HDAC9: variants seen among roughly 807,000 people sequenced by gnomAD.
HDAC9 encodes the protein histone deacetylase 9.
A neutral mutation model predicts 139.4 loss-of-function variants in HDAC9; 41 were observed. The observed-to-expected ratio is 0.29, with a 90% CI of 0.23 to 0.38. The LOEUF (loss-of-function observed/expected upper bound fraction) is 0.38. Among genes scored for constraint, HDAC9 ranks in the 10% least tolerant of loss-of-function variants. The pLI is 1.00. For synonymous variants in HDAC9, 517 were observed against 476.2 expected, an observed-to-expected ratio of 1.09 and a Z score of -1.12; for missense variants, 1,147 against 1,297.0, an observed-to-expected ratio of 0.88 and a Z score of 1.78.
intron 16 of HDAC9, 73 bp from the exon 17 acceptor site, chr7:18,793,272 T>G: frequency 9.6e-7 from 1 of 1,042,542 alleles, no homozygotes. Flanking sequence ...CTCTTCCCCT[T>G]TTACCCCTTT....
chr7:18,825,645 G>C (rs1295529276), intron 17 of HDAC9, among the ~76,000 whole-genome samples: 1 of 151,446 alleles, frequency 6.6e-6, no homozygotes, highest in Non-Finnish European at 1.5e-5. Flanking sequence ...ATTAAAAGGA[G>C]AAGAAGAAAA....
In HDAC9 at chr7:18,997,823, CTT is replaced by C. The variant is rs970992502; in HGVS notation, c.*1764_*1765del. On this transcript the variant is annotated 3_prime_UTR_variant, in exon 26 of 26. Transcript: ENST00000686413. ...AGGATTACCATTTTAATTTTAAAGA[CTT>C]TTATTACATATACAAAAATGGCTCA... is the stretch of plus-strand genomic sequence containing the variant. The C allele has an allele frequency of 2.6e-5, 4 of 151,962 alleles. No individual in the cohort carries two copies. The South Asian group carries it at 6.2e-4, about 24-fold the overall frequency. 9.4% of individuals were successfully genotyped at this position (151,962 alleles called of 1,614,324 possible).
chr7:18,291,958 G>T (rs557550085), intron 1 of HDAC9, among the ~76,000 whole-genome samples: 2 of 152,120 alleles, frequency 1.3e-5, no homozygotes, highest in African/African-American at 4.8e-5. Context: ...CTTAGAGGCT[G>T]CCTCATATCT....
At chr7:18,772,098 G>A (rs1790345661) in intron 16 of HDAC9, among the ~76,000 whole-genome samples, 1 of 152,078 alleles carries the variant, frequency 6.6e-6, no homozygotes, top group Non-Finnish European at 1.5e-5. Flanking sequence ...GCACAGAGAA[G>A]GAAGCTTTTA....
chr7:18,169,501 G>A (rs1219998691), intron 2 of HDAC9, among the ~76,000 whole-genome samples: 1 of 151,212 alleles, frequency 6.6e-6, no homozygotes, highest in Non-Finnish European at 1.5e-5. Context: ...GGGTACATGT[G>A]CACAACGTAC....
Position 18,923,935 on chromosome 7 carries a change from T to C in HDAC9, c.2804-11874T>C, listed in dbSNP as rs183863259. Among the ~76,000 whole-genome samples, 6 of 152,242 alleles carry C rather than the reference T, an allele frequency of 3.9e-5. No individual in the cohort carries two copies. In the East Asian group the frequency reaches 9.7e-4, roughly 25 times the overall value. On this transcript the variant is annotated intron_variant, in intron 22 of 25. Transcript: ENST00000686413. ...GGAGGCAGTCTTTATTTTCTTTTAA[T>C]GATTTTTTTAATGGCAGGTGGGAAT...
At chr7:18,134,874 A>G (rs1785279151) in intron 1 of HDAC9, among the ~76,000 whole-genome samples, 1 of 152,168 alleles carries the variant, frequency 6.6e-6, no homozygotes. Flanking sequence ...ATTCATTGCC[A>G]TTTGTTTTTA....
chr7:18,898,194 G>C (rs1317603464), intron 22 of HDAC9, among the ~76,000 whole-genome samples: 2 of 151,560 alleles, frequency 1.3e-5, no homozygotes, highest in East Asian at 1.9e-4. Context: ...CATTGGGGAA[G>C]CATTCATAGT....
intron 17 of HDAC9, among the ~76,000 whole-genome samples, chr7:18,827,885 T>A (rs1463631917): frequency 6.6e-6 from 1 of 152,174 alleles, no homozygotes; most frequent in Non-Finnish European, 1.5e-5. Context: ...AATGTTTCAG[T>A]CTCTATTATC....
At chr7:18,226,205 A>C (rs1314582166) in intron 2 of HDAC9, among the ~76,000 whole-genome samples, 1 of 152,208 alleles carries the variant, frequency 6.6e-6, no homozygotes, top group Non-Finnish European at 1.5e-5. Context: ...CCACCTTTAG[A>C]CTGCTATAGC....
chr7:18,393,567 C>G (rs1450463215), intron 1 of HDAC9, among the ~76,000 whole-genome samples: 1 of 152,026 alleles, frequency 6.6e-6, no homozygotes, highest in South Asian at 2.1e-4. Context: ...GCATGTAGAA[C>G]TGTGAACAGA....
intron 1 of HDAC9, chr7:18,152,029 A>G (rs945988644): frequency 6.6e-6 from 1 of 151,950 alleles, no homozygotes; most frequent in Admixed American, 6.6e-5. Flanking sequence ...CAGCTCTTTC[A>G]TGTATCTTCC....
intron 2 of HDAC9, among the ~76,000 whole-genome samples, chr7:18,187,708 T>G (rs1351471476): frequency 1.3e-5 from 2 of 152,208 alleles, no homozygotes; most frequent in Non-Finnish European, 2.9e-5. Context: ...CCATACAGTG[T>G]TGCCTAGTGA....
chr7:18,486,786 A>T (rs1391609400), intron 1 of HDAC9, among the ~76,000 whole-genome samples: 1 of 152,076 alleles, frequency 6.6e-6, no homozygotes, highest in African/African-American at 2.4e-5. Context: ...TCCAGAAAAA[A>T]TATTAGATTT....
chr7:18,798,069 T>A (rs76241489), intron 17 of HDAC9, among the ~76,000 whole-genome samples: 3,682 of 152,208 alleles, frequency 0.024, 155 homozygotes, highest in African/African-American at 0.083. Flanking sequence ...AAGACATTGT[T>A]GTTGTTTCCA....
At chr7:18,152,142 G>A (rs1266431836) in intron 1 of HDAC9, among the ~76,000 whole-genome samples, 1 of 151,560 alleles carries the variant, frequency 6.6e-6, no homozygotes, top group Non-Finnish European at 1.5e-5. Context: ...CAGGGCTGCA[G>A]TGTTTCACAA....
chr7:18,562,170 T>C (rs917528449), intron 2 of HDAC9, among the ~76,000 whole-genome samples: 7 of 152,204 alleles, frequency 4.6e-5, no homozygotes, highest in Non-Finnish European at 8.8e-5. Context: ...GTCTGTTTTT[T>C]AATTGGGTCA....
In HDAC9 at chr7:18,954,572, T is replaced by C. The variant is rs1017918361; in HGVS notation, c.3022+342T>C. The stretch of plus-strand genomic sequence containing the variant: ...ATGAAGGGTAGTTATCTCCTAATGA[T>C]GTTGGAATTCAGCAATCATTTACTG... On this transcript the variant is annotated intron_variant, in intron 24 of 25. Coordinates refer to ENST00000686413, the MANE Select transcript of HDAC9 (RefSeq NM_178425.4). 2.0e-5 allele frequency among the ~76,000 whole-genome samples: 3 copies of C among 152,104 alleles called. No individual in the cohort carries two copies. In the East Asian group the frequency reaches 5.8e-4, roughly 29 times the overall value.
intron 2 of HDAC9, among the ~76,000 whole-genome samples, chr7:18,507,832 A>T (rs1405855722): frequency 1.3e-5 from 2 of 152,240 alleles, no homozygotes; most frequent in Non-Finnish European, 2.9e-5. Flanking sequence ...AAAGACAAAA[A>T]TAGGAAACAC....
Sources: allele counts gnomAD v4.1 joint callset (sites outside exome capture counted in the v4.1 genomes callset), GRCh38; gene constraint gnomAD v4.1.1; transcripts MANE v1.5; gene names NCBI Gene and HGNC (gene_info 2026-07-23, HGNC 2026-07-21).